Variants in MSTO1 observed in about 807,000 individuals in gnomAD.
MSTO1 encodes the protein protein misato homolog 1.
Under a neutral mutation model 55.7 loss-of-function variants are expected in MSTO1, and 24 were observed. That is an observed-to-expected ratio of 0.43 (90% CI 0.31 to 0.61). The LOEUF (loss-of-function observed/expected upper bound fraction) is 0.61, where lower values mean the gene tolerates loss of function less well. Among genes scored for constraint, MSTO1 ranks in the 20% least tolerant of loss-of-function variants. MSTO1 has a pLI of 0.09. For synonymous variants in MSTO1, 162 were observed against 252.8 expected, an observed-to-expected ratio of 0.64 and a Z score of 3.41; for missense variants, 363 against 625.7, an observed-to-expected ratio of 0.58 and a Z score of 4.48.
chr1:155,587,744 A>AG, the MSTO1 span, among the ~76,000 whole-genome samples: 1 of 147,022 alleles, frequency 6.8e-6, no homozygotes, highest in Admixed American at 6.8e-5. Flanking sequence ...ACTCCGTCTC[A>AG]GAAAAAAAAA....
the MSTO1 span, among the ~76,000 whole-genome samples, chr1:155,600,094 C>T: frequency 2.6e-5 from 4 of 152,168 alleles, no homozygotes; most frequent in Non-Finnish European, 4.4e-5. Flanking sequence ...TTACGGGTGT[C>T]GGGCTGGGGA....
At chr1:155,565,097 G>C in the MSTO1 span, among the ~76,000 whole-genome samples, 3 of 151,818 alleles carry the variant, frequency 2.0e-5, no homozygotes, top group South Asian at 6.2e-4. Context: ...CTCCAGCCTG[G>C]GCAACAGTGC....
At chr1:155,587,484 CT>C in the MSTO1 span, among the ~76,000 whole-genome samples, 1 of 147,968 alleles carries the variant, frequency 6.8e-6, no homozygotes, top group East Asian at 2.0e-4. Context: ...TGGCTCACGC[CT>C]GTAATCCCAG....
At chr1:155,599,291 T>C in the MSTO1 span, among the ~76,000 whole-genome samples, 1 of 152,212 alleles carries the variant, frequency 6.6e-6, no homozygotes, top group Non-Finnish European at 1.5e-5. Context: ...GTGAAGTCAA[T>C]GTGATGAAAG....
chr1:155,591,198 A>G, the MSTO1 span: 1 of 1,612,566 alleles, frequency 6.2e-7, no homozygotes, highest in South Asian at 1.1e-5. Context: ...GCAGGAGACC[A>G]GGCCATTCAC....
chr1:155,578,431 C>T, the MSTO1 span, among the ~76,000 whole-genome samples: 1 of 146,980 alleles, frequency 6.8e-6, no homozygotes, highest in Non-Finnish European at 1.5e-5. Context: ...CTCCGCCTCC[C>T]AGGTTCACGT....
At chr1:155,603,364 T>A in the MSTO1 span, among the ~76,000 whole-genome samples, 1 of 151,446 alleles carries the variant, frequency 6.6e-6, no homozygotes, top group Non-Finnish European at 1.5e-5. Flanking sequence ...ACCACTTCAC[T>A]CCATCCTGGG....
chr1:155,604,554 A>G, the MSTO1 span, among the ~76,000 whole-genome samples: 1 of 152,244 alleles, frequency 6.6e-6, no homozygotes, highest in African/African-American at 2.4e-5. Flanking sequence ...TACTAAACAC[A>G]AAACTTAAAC....
chr1:155,614,843 G>T lies in MSTO1; in HGVS notation c.*570G>T, dbSNP rs1675259704. ...GCTTCACAGGCAGTGTGGAAGAGCTGCATGAGTTCTCGAAAATGGTGGGAA... is the reference window on the plus strand; with the variant it reads ...GCTTCACAGGCAGTGTGGAAGAGCTTCATGAGTTCTCGAAAATGGTGGGAA... On this transcript the variant is annotated 3_prime_UTR_variant, in exon 14 of 14. Coordinates refer to ENST00000245564, the MANE Select transcript of MSTO1 (RefSeq NM_018116.4). 1 of 1,579,182 alleles carries T rather than the reference G, an allele frequency of 6.3e-7. No individual in the cohort carries two copies. The highest frequency in any genetic ancestry group is 8.6e-7 in the Non-Finnish European group (1 of 1,161,878).
At chr1:155,600,825 T>G in the MSTO1 span, among the ~76,000 whole-genome samples, 80 of 152,160 alleles carry the variant, frequency 5.3e-4, no homozygotes, top group African/African-American at 1.9e-3. Flanking sequence ...TAAAGTCACC[T>G]GCCACCACGC....
chr1:155,607,404 G>C (rs1207012330), upstream of MSTO1, among the ~76,000 whole-genome samples: 1 of 151,920 alleles, frequency 6.6e-6, no homozygotes, highest in Non-Finnish European at 1.5e-5. Flanking sequence ...TCGAACTCCT[G>C]ACCTTGTGAT....
At position 155,612,179 on chromosome 1, in the gene MSTO1, C is replaced by T. The variant is rs1553293930; in HGVS notation, c.679-3C>T. On this transcript the variant is annotated splice_polypyrimidine_tract_variant and splice_region_variant and intron_variant, in intron 7 of 13. Coordinates refer to ENST00000245564, the MANE Select transcript of MSTO1 (RefSeq NM_018116.4). ...CTATCTTTTGTCACTCACCCCCGTC[C>T]AGGGCTTCCAGATCCTGTGTGACCT... The T allele has an allele frequency of 9.3e-6, 15 of 1,613,892 alleles. No individual in the cohort carries two copies. The highest frequency in any genetic ancestry group is 7.6e-6 in the Non-Finnish European group (9 of 1,179,866).
At chr1:155,598,225 T>A in the MSTO1 span, among the ~76,000 whole-genome samples, 1 of 151,670 alleles carries the variant, frequency 6.6e-6, no homozygotes, top group South Asian at 2.1e-4. Flanking sequence ...CAAGCAATTC[T>A]CCCGCCTCAG....
intron 11 of MSTO1, 77 bp from the exon 12 acceptor site, chr1:155,613,385 T>C (rs755107269): frequency 6.3e-7 from 1 of 1,598,342 alleles, no homozygotes; most frequent in South Asian, 1.1e-5. Context: ...ATCCAGCTGA[T>C]GGCCTGAGAA....
chr1:155,610,383 C>T, intron 1 of MSTO1, 42 bp from the exon 2 acceptor site: 1 of 813,750 alleles, frequency 1.2e-6, no homozygotes, highest in South Asian at 1.7e-5. Flanking sequence ...ATCTACAGTC[C>T]CGACGTTCAG....
chr1:155,568,585 C>T, the MSTO1 span, among the ~76,000 whole-genome samples: 1 of 151,718 alleles, frequency 6.6e-6, no homozygotes, highest in Non-Finnish European at 1.5e-5. Flanking sequence ...ATTACAGATG[C>T]TCGCCACCAC....
the MSTO1 span, chr1:155,591,119 C>T: frequency 3.7e-6 from 6 of 1,613,410 alleles, no homozygotes; most frequent in South Asian, 2.2e-5. Flanking sequence ...ATCCACAGGC[C>T]CTCCCACACC....
At chr1:155,563,348 A>G in the MSTO1 span, 4 of 456,100 alleles carry the variant, frequency 8.8e-6, no homozygotes, top group East Asian at 2.8e-4. Context: ...ATGGACCGAC[A>G]CGGGTATTGT....
At chr1:155,602,331 C>A in the MSTO1 span, 1 of 249,820 alleles carries the variant, frequency 4.0e-6, no homozygotes, top group South Asian at 4.1e-5. Flanking sequence ...ACAAAATTAG[C>A]CAAGTGTGGT....
Sources: gnomAD v4.1 joint callset for allele counts (sites outside exome capture counted in the v4.1 genomes callset) on GRCh38, gnomAD v4.1.1 for gene constraint, MANE v1.5 for transcripts, NCBI Gene and HGNC (gene_info 2026-07-23, HGNC 2026-07-21) for gene names.